The following AADAT variants were observed in gnomAD, a reference collection of about 807,000 sequenced individuals.
AADAT encodes the protein kynurenine/alpha-aminoadipate aminotransferase, mitochondrial.
In AADAT, 25 loss-of-function variants were observed where a neutral mutation model predicts 56.2. That is an observed-to-expected ratio of 0.44 (90% CI 0.32 to 0.62). The LOEUF (loss-of-function observed/expected upper bound fraction) is 0.62. Among genes scored for constraint, AADAT ranks in the 20% least tolerant of loss-of-function variants. The probability of loss-of-function intolerance (pLI) is 0.04; values close to 1 mark genes in which losing one functional copy is unlikely to be tolerated. For synonymous variants in AADAT, 173 were observed against 164.7 expected (o/e 1.05, Z -0.39); for missense variants, 387 against 510.5 (o/e 0.76, Z 2.33).
At chr4:170,089,430 T>C in intron 1 of AADAT, 194 bp downstream of exon 1, 3 of 642,286 alleles carry the variant, frequency 4.7e-6, no homozygotes, top group East Asian at 2.7e-5. Context: ...AATACCCGCC[T>C]TCCGTTTCAG....
intron 1 of AADAT, 118 bp downstream of exon 1, chr4:170,089,506 G>A: frequency 1.8e-6 from 2 of 1,094,228 alleles, no homozygotes; most frequent in Non-Finnish European, 2.7e-6. Context: ...GGCTCACCGC[G>A]AGCGTGCACA....
intron 4 of AADAT, among the ~76,000 whole-genome samples, chr4:170,076,872 G>A (rs60069531): frequency 0.028 from 4,235 of 152,150 alleles, 220 homozygotes; most frequent in East Asian, 0.19. Flanking sequence ...GATCCATTTT[G>A]AGTTAAATTT....
upstream of AADAT, among the ~76,000 whole-genome samples, chr4:170,093,868 G>C (rs1292702983): frequency 1.3e-5 from 2 of 152,174 alleles, no homozygotes; most frequent in African/African-American, 4.8e-5. Context: ...GAAGTGCTGA[G>C]ATTACAGGCA....
In AADAT at chr4:170,060,778, G is replaced by C; in HGVS notation, c.*150C>G. 6.3e-6 allele frequency: 3 copies of C among 474,970 alleles called. No individual in the cohort carries two copies. Among genetic ancestry groups the C allele is most frequent in the Non-Finnish European group, 1.1e-5 (3 of 279,704 alleles). 29.4% of individuals were successfully genotyped at this position (474,970 alleles called of 1,614,324 possible). A position where few individuals can be genotyped will look rare whatever the true frequency, so the allele number is the denominator to read the frequency against. On this transcript the variant is annotated 3_prime_UTR_variant, in exon 13 of 13. Coordinates refer to ENST00000337664, the MANE Select transcript of AADAT (RefSeq NM_016228.4). ...AGACAGGGTCTTGTTCTGCCATGCAGGCCAGAGTGCATGCAGGCCAGAGTG... is the reference window on the plus strand; with the variant it reads ...AGACAGGGTCTTGTTCTGCCATGCACGCCAGAGTGCATGCAGGCCAGAGTG...
Position 170,072,868 on chromosome 4 carries a change from C to A in AADAT, c.654+268G>T, listed in dbSNP as rs965849747. Among the ~76,000 whole-genome samples the A allele has an allele frequency of 4.6e-5, 7 of 152,096 alleles. No individual in the cohort carries two copies. The South Asian group carries it at 1.5e-3, about 32-fold the overall frequency. On this transcript the variant is annotated intron_variant, in intron 5 of 12. Coordinates refer to ENST00000337664, the MANE Select transcript of AADAT (RefSeq NM_016228.4). ...CTTGGGATAAAATATTAAATAATCTCAAAAAATTTAACATCAGGCCAAGAA... is the reference window on the plus strand; with the variant it reads ...CTTGGGATAAAATATTAAATAATCTAAAAAAATTTAACATCAGGCCAAGAA...
chr4:170,063,605 G>A (rs949369095), intron 11 of AADAT, among the ~76,000 whole-genome samples: 1 of 152,222 alleles, frequency 6.6e-6, no homozygotes, highest in African/African-American at 2.4e-5. Context: ...AAGTAAGATG[G>A]CTAAGAGAGG....
chr4:170,093,319 A>G (rs1200713369), upstream of AADAT, among the ~76,000 whole-genome samples: 1 of 152,028 alleles, frequency 6.6e-6, no homozygotes, highest in Non-Finnish European at 1.5e-5. Flanking sequence ...AATCTCAGCC[A>G]CTCGGGAGGC....
chr4:170,093,108 C>A (rs938458337), upstream of AADAT, among the ~76,000 whole-genome samples: 2 of 151,926 alleles, frequency 1.3e-5, no homozygotes, highest in Non-Finnish European at 1.5e-5. Context: ...TCTAACTGAG[C>A]AAGGTTTCCT....
At chr4:170,076,719 C>A (rs1732054535) in intron 4 of AADAT, among the ~76,000 whole-genome samples, 2 of 152,112 alleles carry the variant, frequency 1.3e-5, no homozygotes, top group Non-Finnish European at 2.9e-5. Flanking sequence ...ACTTTTAAAT[C>A]TTCAAGTTCA....
intron 3 of AADAT, among the ~76,000 whole-genome samples, chr4:170,079,987 AGAGGAG>A (rs1350269509): frequency 6.6e-6 from 1 of 152,166 alleles, no homozygotes; most frequent in Non-Finnish European, 1.5e-5. Context: ...ATGGCTGGGT[AGAGGAG>A]GACACTGCAA....
Position 170,089,779 on chromosome 4 carries a change from C to A in AADAT, c.-89G>T. 7.3e-7 allele frequency: 1 copy of A among 1,372,648 alleles called. No homozygotes were observed. The highest frequency in any genetic ancestry group is 1.2e-5 in the South Asian group (1 of 80,450). 85.0% of individuals were successfully genotyped at this position (1,372,648 alleles called of 1,614,324 possible). ...CCTCGTCAAGTCCTGCCTGCTAACT[C>A]CTCACTCTGGCAACGCCACCGCGAG... On this transcript the variant is annotated 5_prime_UTR_variant, in exon 1 of 13. Coordinates refer to ENST00000337664, the MANE Select transcript of AADAT (RefSeq NM_016228.4).
intron 4 of AADAT, among the ~76,000 whole-genome samples, chr4:170,076,876 T>TA (rs1312287517): frequency 4.6e-5 from 7 of 152,174 alleles, no homozygotes; most frequent in Non-Finnish European, 1.0e-4. Flanking sequence ...CATTTTGAGT[T>TA]AAATTTTCAT....
In AADAT at chr4:170,088,481, C is replaced by T. The variant is rs1732672657; in HGVS notation, c.151G>A (p.Ala51Thr). Reference sequence around the variant, plus strand: ...TTTCCATTTTCTACAGTGATTACGGCAGTCTTAAAAGGAAACATGTTTGGA... The same window carrying T: ...TTTCCATTTTCTACAGTGATTACGGTAGTCTTAAAAGGAAACATGTTTGGA... Reference protein sequence around the residue: ...PNPNMFPFKTAVITVENGKTI... With the variant: ...PNPNMFPFKTTVITVENGKTI... The change falls in exon 2 of 13, where the codon GCC (alanine) becomes ACC (threonine). Residue 51 changes from alanine to threonine, a missense_variant. By Grantham distance (58) the Ala-to-Thr change is moderately conservative. Coordinates refer to ENST00000337664, the MANE Select transcript of AADAT (RefSeq NM_016228.4). The T allele has an allele frequency of 1.2e-6, 2 of 1,613,788 alleles. No homozygotes were observed. Among genetic ancestry groups the T allele is most frequent in the Non-Finnish European group, 1.7e-6 (2 of 1,179,758 alleles).
intron 12 of AADAT, 60 bp downstream of exon 12, chr4:170,061,832 C>A: frequency 1.7e-6 from 2 of 1,207,052 alleles, no homozygotes; most frequent in East Asian, 2.4e-5. Flanking sequence ...AAAGTATACA[C>A]GTGCATTAAA....
At chr4:170,090,119 C>G (rs1581602994), upstream of AADAT, 1 of 152,220 alleles carries the variant, frequency 6.6e-6, no homozygotes, top group African/African-American at 2.4e-5. Context: ...GAGGCGCTTG[C>G]AGCCCCAGGC....
chr4:170,075,759 C>T (rs1449201220), intron 4 of AADAT, among the ~76,000 whole-genome samples: 1 of 152,212 alleles, frequency 6.6e-6, no homozygotes, highest in Admixed American at 6.5e-5. Flanking sequence ...TCTCTACTCT[C>T]CCCAGCCCCT....
rs1321487572 is a variant in AADAT at position 170,089,923 on chromosome 4, C to G, written c.-233G>C. 6.9e-6 allele frequency: 3 copies of G among 436,424 alleles called. No homozygotes were observed. In the East Asian group the frequency reaches 1.2e-4, roughly 18 times the overall value. 27.0% of individuals were successfully genotyped at this position (436,424 alleles called of 1,614,324 possible). On this transcript the variant is annotated 5_prime_UTR_variant, in exon 1 of 13. Transcript: ENST00000337664. ...CCTAAACGGGTCTGGGGCTGTGTGG[C>G]GAGCCCGGCAAAGTCCACGCCGCAC...
intron 4 of AADAT, among the ~76,000 whole-genome samples, chr4:170,075,917 G>C (rs1732012392): frequency 6.6e-6 from 1 of 152,176 alleles, no homozygotes; most frequent in African/African-American, 2.4e-5. Flanking sequence ...ATATGTATCA[G>C]ATCTGTGTTC....
At chr4:170,070,109 G>A (rs762576285) in intron 6 of AADAT, among the ~76,000 whole-genome samples, 1 of 151,970 alleles carries the variant, frequency 6.6e-6, no homozygotes, top group Non-Finnish European at 1.5e-5. Flanking sequence ...GTCCATCGGG[G>A]ATGCTGCTAA....
Sources: gnomAD v4.1 joint callset for allele counts (sites outside exome capture counted in the v4.1 genomes callset) on GRCh38, gnomAD v4.1.1 for gene constraint, MANE v1.5 for transcripts, NCBI Gene and HGNC (gene_info 2026-07-23, HGNC 2026-07-21) for gene names.